CIST1: variants seen among roughly 807,000 people sequenced by gnomAD.
CIST1 encodes the protein uncharacterized LOC729966.
At chr19:18,251,676 A>ACCCCCCCCCCCCCCCCCCCCCCCCCCCC in the CIST1 span, among the ~76,000 whole-genome samples, 1 of 23,566 alleles carries the variant, frequency 4.2e-5, no homozygotes, top group African/African-American at 1.1e-4. Flanking sequence ...CTCGTGATAC[A>ACCCCCCCCCCCCCCCCCCCCCCCCCCCC]CGCCCCCCCC....
At chr19:18,250,546 C>A in the CIST1 span, 2 of 372,908 alleles carry the variant, frequency 5.4e-6, no homozygotes, top group Non-Finnish European at 9.1e-6. Context: ...GGGCCCAGAG[C>A]CTTTTAAAAT....
At chr19:18,252,826 C>T in the CIST1 span, among the ~76,000 whole-genome samples, 2 of 152,186 alleles carry the variant, frequency 1.3e-5, no homozygotes, top group Non-Finnish European at 2.9e-5. Flanking sequence ...AGATTTGTCT[C>T]GAACTTCTGA....
chr19:18,250,233 G>C, the CIST1 span: 1 of 398,960 alleles, frequency 2.5e-6, no homozygotes. Flanking sequence ...TGCAGCCCAG[G>C]TTGGCCCTGC....
chr19:18,253,064 T>C, the CIST1 span, among the ~76,000 whole-genome samples: 1 of 152,216 alleles, frequency 6.6e-6, no homozygotes, highest in African/African-American at 2.4e-5. Context: ...CAAGTGCAGA[T>C]CAGCGTTCCC....
chr19:18,253,469 T>G, the CIST1 span, among the ~76,000 whole-genome samples: 1 of 151,718 alleles, frequency 6.6e-6, no homozygotes, highest in South Asian at 2.1e-4. Flanking sequence ...GAGGATCGCT[T>G]GAGTCCAGGA....
chr19:18,254,777 G>A, the CIST1 span, among the ~76,000 whole-genome samples: 57 of 152,306 alleles, frequency 3.7e-4, no homozygotes, highest in Non-Finnish European at 6.2e-4. Flanking sequence ...TGTCTTATAG[G>A]AGAGCAAGAG....
At chr19:18,252,592 C>T in the CIST1 span, 1 of 313,510 alleles carries the variant, frequency 3.2e-6, no homozygotes, top group Admixed American at 5.0e-5. Context: ...TAGCGAGACC[C>T]TCTCTCTCTC....
At chr19:18,252,523 G>T in the CIST1 span, 1 of 398,858 alleles carries the variant, frequency 2.5e-6, no homozygotes, top group South Asian at 1.3e-4. Flanking sequence ...CCAGCACTTT[G>T]AGAGGTCAAG....
the CIST1 span, among the ~76,000 whole-genome samples, chr19:18,254,499 G>C: frequency 3.3e-5 from 5 of 152,214 alleles, no homozygotes; most frequent in Non-Finnish European, 7.3e-5. Context: ...AGGCTCACAT[G>C]AGCCAAGTCA....
At chr19:18,252,046 A>G in the CIST1 span, 3 of 398,512 alleles carry the variant, frequency 7.5e-6, no homozygotes, top group Non-Finnish European at 1.3e-5. Context: ...ACAAACACCC[A>G]AATCTCTTAA....
the CIST1 span, chr19:18,252,323 G>C: frequency 2.5e-6 from 1 of 399,164 alleles, no homozygotes; most frequent in East Asian, 3.6e-5. Context: ...TTGAGGGGCT[G>C]AGGTGGGTTA....
the CIST1 span, chr19:18,252,493 G>A: frequency 1.3e-5 from 5 of 399,102 alleles, no homozygotes; most frequent in South Asian, 1.3e-4. Flanking sequence ...AACTGGGCGC[G>A]GTGGCTCACG....
the CIST1 span, chr19:18,255,243 A>G: frequency 5.0e-6 from 2 of 398,524 alleles, no homozygotes; most frequent in East Asian, 3.6e-5. The surrounding 1 kb of genome is among the most constrained non-coding windows in gnomAD (Gnocchi z 4.6). Flanking sequence ...ATTGTAATTC[A>G]CACCAGCTTT....
chr19:18,252,682 A>G, the CIST1 span, among the ~76,000 whole-genome samples: 1 of 151,014 alleles, frequency 6.6e-6, no homozygotes, highest in African/African-American at 2.4e-5. Context: ...CAGTGGTGCC[A>G]TCTCAGCTCA....
chr19:18,255,394 G>A, the CIST1 span: 1 of 398,020 alleles, frequency 2.5e-6, no homozygotes, highest in Non-Finnish European at 4.4e-6. This position sits in a 1 kb window ranked among gnomAD's most constrained non-coding sequence, Gnocchi z 4.6. Context: ...ACCTGCGTGT[G>A]CGCTCCCTGC....
At chr19:18,252,184 AG>A in the CIST1 span, 10 of 398,788 alleles carry the variant, frequency 2.5e-5, no homozygotes, top group East Asian at 3.2e-4. Context: ...GAATGGGAAG[AG>A]GGGGTGAGCT....
chr19:18,252,041 C>T, the CIST1 span: 1 of 398,800 alleles, frequency 2.5e-6, no homozygotes, highest in African/African-American at 2.1e-5. Flanking sequence ...TCCCTACAAA[C>T]ACCCAAATCT....
chr19:18,251,270 C>T, the CIST1 span, among the ~76,000 whole-genome samples: 2 of 150,770 alleles, frequency 1.3e-5, no homozygotes, highest in Non-Finnish European at 2.9e-5. Flanking sequence ...GGATTACAGG[C>T]GCCCGCCACC....
the CIST1 span, among the ~76,000 whole-genome samples, chr19:18,253,358 G>A: frequency 6.6e-6 from 1 of 152,050 alleles, no homozygotes; most frequent in South Asian, 2.1e-4. Flanking sequence ...ACTCCTGCCT[G>A]GGAGACATAA....
Sources: gnomAD v4.1 joint callset for allele counts (sites outside exome capture counted in the v4.1 genomes callset) on GRCh38, gnomAD v4.1.1 for gene constraint, Gnocchi (gnomAD v3.1) non-coding constraint, MANE v1.5 for transcripts, NCBI Gene and HGNC (gene_info 2026-07-23, HGNC 2026-07-21) for gene names.